The following GPBP1 variants were observed in gnomAD, a reference collection of about 807,000 sequenced individuals.
GPBP1 encodes the protein vasculin.
In GPBP1, 13 loss-of-function variants were observed where a neutral mutation model predicts 56.5. The ratio of observed to expected loss-of-function variants is 0.23; its 90% CI spans 0.15 to 0.37. The LOEUF (loss-of-function observed/expected upper bound fraction) is 0.37, where lower values mean the gene tolerates loss of function less well. GPBP1 is among the 10% of genes least tolerant of loss of function. The pLI is 1.00. For synonymous variants in GPBP1, 204 were observed against 188.9 expected (o/e 1.08, Z -0.66); for missense variants, 477 against 572.3 (o/e 0.83, Z 1.70).
chr5:57,226,033 T>C (rs1216005725), intron 3 of GPBP1, among the ~76,000 whole-genome samples: 1 of 152,244 alleles, frequency 6.6e-6, no homozygotes, highest in African/African-American at 2.4e-5. Context: ...ACTAAGCTAT[T>C]AACAGTAATC....
At chr5:57,215,517 A>G (rs1160401193) in intron 3 of GPBP1, among the ~76,000 whole-genome samples, 3 of 152,204 alleles carry the variant, frequency 2.0e-5, no homozygotes, top group African/African-American at 7.2e-5. Context: ...CTCTGATCCA[A>G]TTTAGTTATG....
chr5:57,175,693 C>T lies in GPBP1; in HGVS notation c.-765C>T, dbSNP rs1579959744. ...TTCAAACGGATTATATAACTGGTTA[C>T]AGTATTTCAGCTGGTGGTAATTTTT... On this transcript the variant is annotated 5_prime_UTR_variant, in exon 2 of 12. Transcript: ENST00000506184. 2.5e-6 allele frequency: 1 copy of T among 396,510 alleles called. No individual in the cohort carries two copies. Among genetic ancestry groups the T allele is most frequent in the Non-Finnish European group, 4.4e-6 (1 of 225,290 alleles). 24.6% of individuals were successfully genotyped at this position (396,510 alleles called of 1,614,324 possible).
At chr5:57,235,893 A>G (rs1756642077) in intron 5 of GPBP1, 73 bp from the exon 6 acceptor site, 1 of 1,042,898 alleles carries the variant, frequency 9.6e-7, no homozygotes, top group South Asian at 1.3e-5. Context: ...CAGTTACAAC[A>G]TGTATGATTC....
chr5:57,218,838 T>C (rs1483442574), intron 3 of GPBP1, among the ~76,000 whole-genome samples: 1 of 152,240 alleles, frequency 6.6e-6, no homozygotes, highest in African/African-American at 2.4e-5. Context: ...TTTGGCCATA[T>C]GTGTTGAAAA....
chr5:57,184,419 A>G (rs1754196985), intron 2 of GPBP1, among the ~76,000 whole-genome samples: 1 of 152,070 alleles, frequency 6.6e-6, no homozygotes, highest in Non-Finnish European at 1.5e-5. Flanking sequence ...GTGAGGCCTC[A>G]GGGAGCTTAC....
intron 2 of GPBP1, among the ~76,000 whole-genome samples, chr5:57,211,576 T>TTTGTTGTTGTTGTTG (rs71287163): frequency 0.016 from 2,485 of 151,014 alleles, 109 homozygotes; most frequent in East Asian, 0.093. Flanking sequence ...CTCCGGGGAT[T>TTTGTTGTTGTTGTTG]TTGTTGTTGT....
At chr5:57,254,715 A>G (rs1489393046) in intron 10 of GPBP1, among the ~76,000 whole-genome samples, 2 of 152,036 alleles carry the variant, frequency 1.3e-5, no homozygotes, top group African/African-American at 4.8e-5. Context: ...AAAAAGAGTA[A>G]GTTTTGTATT....
intron 2 of GPBP1, among the ~76,000 whole-genome samples, chr5:57,209,494 A>G (rs547801387): frequency 5.0e-4 from 76 of 152,212 alleles, no homozygotes; most frequent in Non-Finnish European, 1.0e-3. Flanking sequence ...TTTCTTGCCT[A>G]GTTGCTATGG....
intron 2 of GPBP1, among the ~76,000 whole-genome samples, chr5:57,188,145 A>G (rs1754370745): frequency 6.6e-6 from 1 of 151,606 alleles, no homozygotes; most frequent in African/African-American, 2.4e-5. Flanking sequence ...ACAGGAGGCT[A>G]AGGCAAGAGA....
intron 6 of GPBP1, among the ~76,000 whole-genome samples, chr5:57,242,239 ACAC>A (rs1002898600): frequency 6.6e-6 from 1 of 151,970 alleles, no homozygotes; most frequent in African/African-American, 2.4e-5. Flanking sequence ...TTGCAAAAGG[ACAC>A]CTTTAATTTG....
intron 6 of GPBP1, among the ~76,000 whole-genome samples, chr5:57,238,839 A>G (rs2111888716): frequency 6.6e-6 from 1 of 152,334 alleles, no homozygotes; most frequent in Middle Eastern, 3.4e-3. Flanking sequence ...TTAAGAACAT[A>G]AAGGTTCATT....
At chr5:57,261,405 TA>T (rs372962564) in intron 11 of GPBP1, 123 bp downstream of exon 11, 19,192 of 446,034 alleles carry the variant, frequency 0.043, 1 homozygote, top group South Asian at 0.063. Context: ...GAATTGCTTT[TA>T]AAAAAAAAAA....
At chr5:57,205,517 T>C (rs1409367583) in intron 2 of GPBP1, among the ~76,000 whole-genome samples, 1 of 152,110 alleles carries the variant, frequency 6.6e-6, no homozygotes, top group African/African-American at 2.4e-5. Flanking sequence ...TGAACCCTTT[T>C]ACCTTCACAC....
rs888050267 is a variant in GPBP1 at position 57,175,647 on chromosome 5, A to C, written c.-811A>C. The stretch of plus-strand genomic sequence containing the variant: ...AAGCTACTTAAAAAGAGACCCAGGC[A>C]GCATTTCTTCAGTATTTTGGTTCAA... On this transcript the variant is annotated 5_prime_UTR_variant, in exon 2 of 12. Transcript: ENST00000506184. The C allele has an allele frequency of 5.0e-6, 2 of 396,698 alleles. No individual in the cohort carries two copies. The highest frequency in any genetic ancestry group is 8.9e-6 in the Non-Finnish European group (2 of 225,430). 24.6% of individuals were successfully genotyped at this position (396,698 alleles called of 1,614,324 possible). A position where few individuals can be genotyped will look rare whatever the true frequency, so the allele number is the denominator to read the frequency against.
At chr5:57,238,283 G>T (rs1385474149) in intron 6 of GPBP1, among the ~76,000 whole-genome samples, 2 of 152,068 alleles carry the variant, frequency 1.3e-5, no homozygotes, top group African/African-American at 4.8e-5. Context: ...ATAATTAGTG[G>T]CGACCAGGCA....
chr5:57,185,990 C>A (rs924201196), intron 2 of GPBP1, among the ~76,000 whole-genome samples: 1 of 151,490 alleles, frequency 6.6e-6, no homozygotes, highest in East Asian at 1.9e-4. Flanking sequence ...GTTGTCTTAA[C>A]GAATTGTGAG....
At chr5:57,218,383 A>G (rs1253780370) in intron 3 of GPBP1, among the ~76,000 whole-genome samples, 1 of 152,222 alleles carries the variant, frequency 6.6e-6, no homozygotes. Flanking sequence ...GGATGGCTCA[A>G]AGAATTCAGG....
intron 2 of GPBP1, among the ~76,000 whole-genome samples, chr5:57,201,314 A>C (rs546395536): frequency 1.3e-5 from 2 of 152,242 alleles, no homozygotes; most frequent in South Asian, 4.1e-4. Context: ...CCAGTACAGA[A>C]AGACTTTAAT....
At chr5:57,235,151 A>G (rs1049080271) in intron 5 of GPBP1, among the ~76,000 whole-genome samples, 14 of 152,158 alleles carry the variant, frequency 9.2e-5, no homozygotes, top group African/African-American at 3.1e-4. Context: ...TACTAAAAAT[A>G]CAAAAATTAG....
Sources: gnomAD v4.1 joint callset for allele counts (sites outside exome capture counted in the v4.1 genomes callset) on GRCh38, gnomAD v4.1.1 for gene constraint, MANE v1.5 for transcripts, NCBI Gene and HGNC (gene_info 2026-07-23, HGNC 2026-07-21) for gene names.